BRCC3: variants seen among roughly 807,000 people sequenced by gnomAD.
BRCC3 encodes the protein BRCA1/BRCA2-containing complex subunit 3.
BRCC3 carries 15 observed loss-of-function variants against 28.0 expected under a neutral mutation model. The observed-to-expected ratio is 0.54, with a 90% CI of 0.36 to 0.82. The LOEUF (loss-of-function observed/expected upper bound fraction) is 0.82, where lower values mean the gene tolerates loss of function less well. Among genes scored for constraint, BRCC3 ranks in the 40% least tolerant of loss-of-function variants. The probability of loss-of-function intolerance (pLI) is 0.01; values close to 1 mark genes in which losing one functional copy is unlikely to be tolerated. For synonymous variants in BRCC3, 66 were observed against 80.3 expected (o/e 0.82, Z 0.95); for missense variants, 109 against 225.9 (o/e 0.48, Z 3.32).
In BRCC3 at chrX:155,079,281, A is replaced by G. The variant is rs191634764; in HGVS notation, c.403+578A>G. ...TAATCCTTGTGGCAACCTGTGAGTTAGAGATCTTACCCCCATTGTACAGAA... is the reference window on the plus strand; with the variant it reads ...TAATCCTTGTGGCAACCTGTGAGTTGGAGATCTTACCCCCATTGTACAGAA... On this transcript the variant is annotated intron_variant, in intron 5 of 10. Coordinates refer to ENST00000330045, the MANE Select transcript of BRCC3 (RefSeq NM_001018055.3). 3.6e-3 allele frequency among the ~76,000 whole-genome samples: 401 copies of G among 111,775 alleles called. 3 individuals carry two copies. The highest frequency in any genetic ancestry group is 0.012 in the African/African-American group (378 of 30,679).
intron 7 of BRCC3, among the ~76,000 whole-genome samples, chrX:155,113,119 CTTTTTT>C (rs35621321): frequency 9.7e-5 from 3 of 30,830 alleles, no homozygotes; most frequent in African/African-American, 3.0e-4. Context: ...GGCTTGCTTG[CTTTTTT>C]TTTTTTTTTT....
chrX:155,091,266 A>G (rs2074172513), intron 7 of BRCC3, among the ~76,000 whole-genome samples: 1 of 110,986 alleles, frequency 9.0e-6, no homozygotes, highest in Non-Finnish European at 1.9e-5. Flanking sequence ...TTCAATCTAA[A>G]TTAGCAAATC....
intron 7 of BRCC3, among the ~76,000 whole-genome samples, chrX:155,104,878 G>A: frequency 8.9e-6 from 1 of 112,749 alleles, no homozygotes; most frequent in Non-Finnish European, 1.9e-5. Flanking sequence ...TACACATTTT[G>A]ATGAGTTTGG....
intron 1 of BRCC3, among the ~76,000 whole-genome samples, chrX:155,072,069 C>A (rs1365960652): frequency 8.9e-6 from 1 of 112,001 alleles, no homozygotes; most frequent in Non-Finnish European, 1.9e-5. Flanking sequence ...GAGATATCAA[C>A]CAAAGCATTT....
chrX:155,085,991 C>G, intron 5 of BRCC3, among the ~76,000 whole-genome samples: 1 of 111,751 alleles, frequency 8.9e-6, no homozygotes, highest in Middle Eastern at 4.6e-3. Flanking sequence ...CTGAAGCGCT[C>G]TCGATATGAG....
At chrX:155,098,316 C>T (rs2074224267) in intron 7 of BRCC3, among the ~76,000 whole-genome samples, 1 of 111,800 alleles carries the variant, frequency 8.9e-6, no homozygotes, top group South Asian at 3.7e-4. Flanking sequence ...TTTATTTTCT[C>T]TTCAACCCAA....
At chrX:155,075,291 C>CCCCTGAAACTCTTGTCTTCCT (rs374660889) in intron 3 of BRCC3, among the ~76,000 whole-genome samples, 5 of 105,281 alleles carry the variant, frequency 4.7e-5, no homozygotes, top group African/African-American at 1.8e-4. Flanking sequence ...CCCACTCTTT[C>CCCCTGAAACTCTTGTCTTCCT]CCCTGGCCCT....
chrX:155,088,294 T>C (rs782506203), intron 5 of BRCC3, among the ~76,000 whole-genome samples: 24 of 112,072 alleles, frequency 2.1e-4, no homozygotes, highest in Non-Finnish European at 1.1e-4. Flanking sequence ...ACCTGATCTT[T>C]TGTATCCTTT....
intron 5 of BRCC3, among the ~76,000 whole-genome samples, chrX:155,081,365 T>C (rs782113801): frequency 9.4e-6 from 1 of 105,970 alleles, no homozygotes; most frequent in Non-Finnish European, 1.9e-5. Context: ...GTAATGAAAC[T>C]ATGGGTACAA....
At chrX:155,102,199 C>CCA (rs1199670986) in intron 7 of BRCC3, among the ~76,000 whole-genome samples, 1 of 111,978 alleles carries the variant, frequency 8.9e-6, no homozygotes, top group African/African-American at 3.2e-5. Flanking sequence ...ACTGGCTGAA[C>CCA]ATACAGTAGT....
intron 6 of BRCC3, among the ~76,000 whole-genome samples, chrX:155,089,776 G>A (rs1214114419): frequency 8.9e-6 from 1 of 112,041 alleles, no homozygotes; most frequent in Non-Finnish European, 1.9e-5. Flanking sequence ...TCCAGATCTT[G>A]TAAGGCCTTG....
chrX:155,079,207 T>A (rs1219358291), intron 5 of BRCC3, among the ~76,000 whole-genome samples: 1 of 111,845 alleles, frequency 8.9e-6, no homozygotes, highest in African/African-American at 3.3e-5. Context: ...TGAACTAATA[T>A]TCATGAGCAC....
chrX:155,115,195 T>C (rs2074346598), intron 7 of BRCC3, among the ~76,000 whole-genome samples: 1 of 112,163 alleles, frequency 8.9e-6, no homozygotes, highest in Admixed American at 9.4e-5. Flanking sequence ...ATATTAAAAG[T>C]TCTTCAGACT....
intron 7 of BRCC3, among the ~76,000 whole-genome samples, chrX:155,109,118 G>A (rs950591569): frequency 1.1e-4 from 12 of 111,076 alleles, no homozygotes; most frequent in Admixed American, 4.8e-4. Context: ...TAAATCAGTC[G>A]TCCCTATATA....
chrX:155,118,952 C>A (rs2124313440), intron 9 of BRCC3, among the ~76,000 whole-genome samples: 1 of 111,332 alleles, frequency 9.0e-6, no homozygotes, highest in Non-Finnish European at 1.9e-5. Flanking sequence ...CCCCCAAAAG[C>A]TCATTTTATA....
chrX:155,099,357 C>T (rs1557296623), intron 7 of BRCC3: 1 of 1,209,417 alleles, frequency 8.3e-7, no homozygotes, highest in Non-Finnish European at 1.1e-6. Flanking sequence ...CCAGCCAGCA[C>T]ATCTCCATTG....
chrX:155,120,189 T>C (rs1357888010), intron 10 of BRCC3, 21 bp downstream of exon 10: 6 of 1,119,283 alleles, frequency 5.4e-6, no homozygotes, highest in Non-Finnish European at 7.3e-6. Flanking sequence ...TCTTTTTCAA[T>C]TTGTGTACTA....
At chrX:155,081,372 A>T (rs2074084658) in intron 5 of BRCC3, among the ~76,000 whole-genome samples, 1 of 109,599 alleles carries the variant, frequency 9.1e-6, no homozygotes, top group Admixed American at 9.8e-5. Flanking sequence ...AACTATGGGT[A>T]CAACTAAAGA....
At chrX:155,084,552 A>G (rs2074107993) in intron 5 of BRCC3, among the ~76,000 whole-genome samples, 1 of 111,359 alleles carries the variant, frequency 9.0e-6, no homozygotes, top group Admixed American at 9.5e-5. Context: ...TTTAGTAGAG[A>G]TGGGGTTTCA....
Sources: gnomAD v4.1 joint callset for allele counts (sites outside exome capture counted in the v4.1 genomes callset) on GRCh38, gnomAD v4.1.1 for gene constraint, MANE v1.5 for transcripts, NCBI Gene and HGNC (gene_info 2026-07-23, HGNC 2026-07-21) for gene names.